The following CCDC30 variants were observed in gnomAD, a reference collection of about 807,000 sequenced individuals.
The protein encoded by CCDC30 is coiled-coil domain containing 30.
Under a neutral mutation model 100.2 loss-of-function variants are expected in CCDC30, and 70 were observed. The observed-to-expected ratio is 0.70, with a 90% CI of 0.58 to 0.85. The LOEUF (loss-of-function observed/expected upper bound fraction) is 0.85, where lower values mean the gene tolerates loss of function less well. CCDC30 is among the 40% of genes least tolerant of loss of function. The probability of loss-of-function intolerance (pLI) is 0.00; values close to 1 mark genes in which losing one functional copy is unlikely to be tolerated. For synonymous variants in CCDC30, 233 were observed against 269.5 expected (o/e 0.86, Z 1.33); for missense variants, 652 against 771.2 (o/e 0.85, Z 1.83).
chr1:42,500,417 C>G (rs1040958430), intron 6 of CCDC30: 1 of 912,040 alleles, frequency 1.1e-6, no homozygotes, highest in South Asian at 1.4e-5. Flanking sequence ...ACCGAGTTCT[C>G]TCTTTTTTTT....
At chr1:42,498,481 A>G (rs1419281909) in intron 5 of CCDC30, among the ~76,000 whole-genome samples, 1 of 152,194 alleles carries the variant, frequency 6.6e-6, no homozygotes, top group African/African-American at 2.4e-5. Context: ...ATTTTACCAC[A>G]ATAAAAATGC....
rs1259984356 is a variant in CCDC30 at position 42,500,160 on chromosome 1, C to T, written c.456+1244C>T. ...AGCTAAAAGAAGTAAAATAAGAAGG[C>T]AATGCTTGTGGAACGTACAGTGCAT... is the stretch of plus-strand genomic sequence containing the variant. On this transcript the variant is annotated intron_variant, in intron 6 of 16. Transcript: ENST00000668663. 9 of 1,417,230 alleles carry T rather than the reference C, an allele frequency of 6.4e-6. No individual in the cohort carries two copies. The East Asian group carries it at 2.1e-4, about 33-fold the overall frequency. 87.8% of individuals were successfully genotyped at this position (1,417,230 alleles called of 1,614,324 possible). A position where few individuals can be genotyped will look rare whatever the true frequency, so the allele number is the denominator to read the frequency against.
chr1:42,601,017 A>G (rs1570206489), intron 10 of CCDC30, among the ~76,000 whole-genome samples: 1 of 152,182 alleles, frequency 6.6e-6, no homozygotes, highest in Non-Finnish European at 1.5e-5. Flanking sequence ...TAAATTACCC[A>G]GTCTCAGGTA....
chr1:42,642,180 C>A (rs1570336359), intron 12 of CCDC30, among the ~76,000 whole-genome samples: 1 of 151,780 alleles, frequency 6.6e-6, no homozygotes, highest in East Asian at 1.9e-4. Context: ...GAGCAGAGAT[C>A]ACGCCACTGT....
intron 1 of CCDC30, among the ~76,000 whole-genome samples, chr1:42,478,385 T>C (rs1643906932): frequency 6.6e-6 from 1 of 152,144 alleles, no homozygotes; most frequent in South Asian, 2.1e-4. Flanking sequence ...GAATGGTGGG[T>C]GAAATCTTGG....
chr1:42,523,635 CA>C (rs1644681308), intron 6 of CCDC30, among the ~76,000 whole-genome samples: 1 of 152,168 alleles, frequency 6.6e-6, no homozygotes, highest in African/African-American at 2.4e-5. Context: ...TGCCTTTCAT[CA>C]AATTTAGGAA....
intron 1 of CCDC30, among the ~76,000 whole-genome samples, chr1:42,474,852 T>TA (rs1295217263): frequency 2.0e-5 from 3 of 152,190 alleles, no homozygotes; most frequent in Non-Finnish European, 4.4e-5. Flanking sequence ...TTCTACCTGT[T>TA]ATTATGCACA....
intron 6 of CCDC30, among the ~76,000 whole-genome samples, chr1:42,499,317 A>G (rs1410419185): frequency 6.6e-6 from 1 of 152,198 alleles, no homozygotes; most frequent in Non-Finnish European, 1.5e-5. Context: ...GCCAGGGTAT[A>G]TCTAGTAAAT....
intron 6 of CCDC30, among the ~76,000 whole-genome samples, chr1:42,521,831 A>G (rs1644652571): frequency 6.6e-6 from 1 of 151,882 alleles, no homozygotes; most frequent in South Asian, 2.1e-4. Context: ...CCTTTTTGAA[A>G]TTGAATGTTT....
chr1:42,561,529 C>A (rs1645487085), intron 6 of CCDC30, among the ~76,000 whole-genome samples: 1 of 152,138 alleles, frequency 6.6e-6, no homozygotes, highest in Non-Finnish European at 1.5e-5. Context: ...TGGAAGCATT[C>A]CCTTTGAAAA....
intron 6 of CCDC30, among the ~76,000 whole-genome samples, chr1:42,553,095 C>G (rs983417613): frequency 1.3e-5 from 2 of 152,106 alleles, no homozygotes; most frequent in Non-Finnish European, 2.9e-5. Context: ...TTTTCTGTGA[C>G]GTTCAGCTGG....
intron 1 of CCDC30, among the ~76,000 whole-genome samples, chr1:42,476,883 GT>G (rs755925608): frequency 0.15 from 18,757 of 126,290 alleles, 1,375 homozygotes; most frequent in East Asian, 0.24. Flanking sequence ...GTTGATGGAA[GT>G]TTTTTTTTTT....
At chr1:42,457,318 C>T in the CCDC30 span, 2 of 1,614,166 alleles carry the variant, frequency 1.2e-6, no homozygotes, top group Admixed American at 1.7e-5. Context: ...AATGCCTGAA[C>T]ACAAGATCCA....
intron 6 of CCDC30, among the ~76,000 whole-genome samples, chr1:42,508,763 T>TA (rs1644433674): frequency 1.3e-5 from 2 of 152,060 alleles, no homozygotes; most frequent in Admixed American, 1.3e-4. Context: ...TAGGGCCTCT[T>TA]ATGTGTGCAT....
At chr1:42,578,905 C>G (rs1396685767) in intron 8 of CCDC30, among the ~76,000 whole-genome samples, 6 of 152,160 alleles carry the variant, frequency 3.9e-5, no homozygotes, top group African/African-American at 1.4e-4. Flanking sequence ...CACTTTGTAT[C>G]AGTTGCAAAG....
At chr1:42,570,651 T>C (rs138181286) in intron 7 of CCDC30, among the ~76,000 whole-genome samples, 159 of 152,274 alleles carry the variant, frequency 1.0e-3, no homozygotes, top group African/African-American at 3.7e-3. Context: ...TTTTATCAAC[T>C]ATTTATGAAT....
chr1:42,581,635 C>A, intron 9 of CCDC30, 121 bp downstream of exon 13: 1 of 805,284 alleles, frequency 1.2e-6, no homozygotes, highest in Non-Finnish European at 1.9e-6. Context: ...CTGAAGTAAA[C>A]TCAGCCACAC....
At chr1:42,581,569 C>A in intron 9 of CCDC30, 55 bp downstream of exon 13, 2 of 1,500,338 alleles carry the variant, frequency 1.3e-6, no homozygotes, top group Non-Finnish European at 1.8e-6. Flanking sequence ...CTGAGTTAAT[C>A]AGCAATATCA....
At chr1:42,589,238 T>A (rs7527588) in intron 9 of CCDC30, 83 bp from the exon 14 acceptor site, 73 of 992,100 alleles carry the variant, frequency 7.4e-5, no homozygotes, top group South Asian at 5.8e-4. Context: ...AAAAAAAAAA[T>A]CCCTTGTGAT....
Sources: gnomAD v4.1 joint callset for allele counts (sites outside exome capture counted in the v4.1 genomes callset) on GRCh38, gnomAD v4.1.1 for gene constraint, MANE v1.5 for transcripts, NCBI Gene and HGNC (gene_info 2026-07-23, HGNC 2026-07-21) for gene names.